Variants in CD109 observed in about 807,000 individuals in gnomAD.
CD109 encodes the protein CD109 antigen.
A neutral mutation model predicts 165.8 loss-of-function variants in CD109; 149 were observed. The observed-to-expected ratio is 0.90, with a 90% CI of 0.79 to 1.03. The LOEUF (loss-of-function observed/expected upper bound fraction) is 1.03, where lower values mean the gene tolerates loss of function less well. Among genes scored for constraint, CD109 ranks in the 50% least tolerant of loss-of-function variants. The probability of loss-of-function intolerance (pLI) is 0.00; values close to 1 mark genes in which losing one functional copy is unlikely to be tolerated. For synonymous variants in CD109, 585 were observed against 592.1 expected (o/e 0.99, Z 0.18); for missense variants, 1,712 against 1,677.8 (o/e 1.02, Z -0.36).
At chr6:73,773,874 A>G (rs1483354999) in intron 15 of CD109, among the ~76,000 whole-genome samples, 1 of 151,948 alleles carries the variant, frequency 6.6e-6, no homozygotes, top group Non-Finnish European at 1.5e-5. Flanking sequence ...GTTTTTCAGA[A>G]ATTGGCACTT....
intron 2 of CD109, among the ~76,000 whole-genome samples, chr6:73,705,260 G>C (rs1771222947): frequency 6.6e-6 from 1 of 152,120 alleles, no homozygotes; most frequent in Non-Finnish European, 1.5e-5. Flanking sequence ...TGAAGTCCTG[G>C]AAATACATAA....
Position 73,787,304 on chromosome 6 carries a change from G to GCCA in CD109, c.2412_2414dup (p.His804dup). 6.2e-7 allele frequency: 1 copy of GCCA among 1,613,954 alleles called. No homozygotes were observed. Among genetic ancestry groups the GCCA allele is most frequent in the Non-Finnish European group, 8.5e-7 (1 of 1,179,910 alleles). The stretch of plus-strand genomic sequence containing the variant: ...ACTTCAAATGAAATAAATGCCACAG[G>GCCA]CCACCAGCAGACCCTTCTGGTTCCC... On this transcript the variant is annotated inframe_insertion, in exon 21 of 33. Transcript: ENST00000287097.
At chr6:73,720,426 G>A (rs570645382) in intron 2 of CD109, among the ~76,000 whole-genome samples, 9 of 152,144 alleles carry the variant, frequency 5.9e-5, no homozygotes, top group Non-Finnish European at 8.8e-5. Flanking sequence ...AATTTCAAGA[G>A]ATCTAGTGTA....
chr6:73,796,115 C>T (rs575725090), intron 23 of CD109, among the ~76,000 whole-genome samples: 1 of 152,296 alleles, frequency 6.6e-6, no homozygotes, highest in East Asian at 1.9e-4. Context: ...CATGATTGCT[C>T]ACTGGACTAC....
chr6:73,808,037 A>T lies in CD109; in HGVS notation c.3190-46A>T, dbSNP rs116101917. The T allele has an allele frequency of 3.2e-4, 505 of 1,557,820 alleles. 3 individuals carry two copies. The African/African-American group carries it at 6.3e-3, about 20-fold the overall frequency. ...AGTACTTTTTGTTTCAGTATGTGGT[A>T]ATGGGTTACTCTGAATAGTAAAAAA... is the stretch of plus-strand genomic sequence containing the variant. On this transcript the variant is annotated intron_variant, in intron 25 of 32. Transcript: ENST00000287097.
At chr6:73,754,867 G>A (rs574294675) in intron 5 of CD109, among the ~76,000 whole-genome samples, 1 of 152,334 alleles carries the variant, frequency 6.6e-6, no homozygotes, top group Admixed American at 6.5e-5. Flanking sequence ...GACACTGTCA[G>A]TCTTGAATTA....
chr6:73,768,327 T>C, intron 14 of CD109, 96 bp downstream of exon 14: 3 of 720,034 alleles, frequency 4.2e-6, no homozygotes, highest in Non-Finnish European at 4.6e-6. Context: ...TAAGCCAAAC[T>C]GGTTAGAAAT....
In CD109 at chr6:73,700,964, G is replaced by A. The variant is rs139325117; in HGVS notation, c.247+3392G>A. Among the ~76,000 whole-genome samples, 48 of 151,644 alleles carry A rather than the reference G, an allele frequency of 3.2e-4. 1 individual carries two copies. The East Asian group carries it at 9.3e-3, about 29-fold the overall frequency. ...CTACAGGCATGTGCCACCATGCCTG[G>A]CTAATTTTTTGTATTTTTAGTAGAG... On this transcript the variant is annotated intron_variant, in intron 2 of 32. Coordinates refer to ENST00000287097, the MANE Select transcript of CD109 (RefSeq NM_133493.5).
At chr6:73,728,139 G>A (rs951274534) in intron 3 of CD109, among the ~76,000 whole-genome samples, 2 of 152,066 alleles carry the variant, frequency 1.3e-5, no homozygotes, top group Admixed American at 1.3e-4. Flanking sequence ...TGGCCAACAT[G>A]GTAAAACCTT....
chr6:73,710,420 C>G (rs1771484188), intron 2 of CD109, among the ~76,000 whole-genome samples: 1 of 152,142 alleles, frequency 6.6e-6, no homozygotes, highest in East Asian at 1.9e-4. Flanking sequence ...GAACTACAAA[C>G]CACTGCTCAA....
intron 2 of CD109, among the ~76,000 whole-genome samples, chr6:73,713,768 C>A (rs1771619326): frequency 6.6e-6 from 1 of 152,230 alleles, no homozygotes; most frequent in African/African-American, 2.4e-5. Context: ...AGATTTCCTG[C>A]ACTTCAAATC....
chr6:73,698,933 G>A (rs558504791), intron 2 of CD109, among the ~76,000 whole-genome samples: 120 of 152,266 alleles, frequency 7.9e-4, no homozygotes, highest in Non-Finnish European at 1.5e-3. Flanking sequence ...TGATTTCCCA[G>A]GGCAGTTATA....
chr6:73,760,385 C>T (rs1554175474), intron 7 of CD109, among the ~76,000 whole-genome samples: 1 of 105,190 alleles, frequency 9.5e-6, no homozygotes. Flanking sequence ...CCGGCCTGGG[C>T]TAAAGAGCGG....
At chr6:73,772,799 T>G (rs1219763245) in intron 15 of CD109, among the ~76,000 whole-genome samples, 2 of 151,944 alleles carry the variant, frequency 1.3e-5, no homozygotes, top group Non-Finnish European at 2.9e-5. Context: ...CTATATATAG[T>G]TGGGTTGATT....
In CD109 at chr6:73,778,533, C is replaced by T. The variant is rs971267520; in HGVS notation, c.1828-1891C>T. On this transcript the variant is annotated intron_variant, in intron 15 of 32. Transcript: ENST00000287097. ...TCTTGAATTGGTGTCTGAGCAAGAG[C>T]GGAAGCAAATCTTCATGTATTTGTA... 8.5e-5 allele frequency among the ~76,000 whole-genome samples: 13 copies of T among 152,274 alleles called. No individual in the cohort carries two copies. The East Asian group carries it at 9.6e-4, about 11-fold the overall frequency.
intron 5 of CD109, among the ~76,000 whole-genome samples, chr6:73,754,073 G>A (rs1190253871): frequency 2.0e-5 from 3 of 152,108 alleles, no homozygotes; most frequent in Non-Finnish European, 4.4e-5. Context: ...GAGAGAAGGG[G>A]CATCTAATCC....
chr6:73,711,940 C>T (rs1448816620), intron 2 of CD109, among the ~76,000 whole-genome samples: 1 of 152,216 alleles, frequency 6.6e-6, no homozygotes, highest in African/African-American at 2.4e-5. Context: ...TTAGTATAAA[C>T]ATCAGCCAAA....
chr6:73,684,221 CTT>C, the CD109 span, among the ~76,000 whole-genome samples: 27 of 136,316 alleles, frequency 2.0e-4, no homozygotes, highest in Non-Finnish European at 2.7e-4. Context: ...GTCGTTCTTT[CTT>C]TTTTTTTTTT....
chr6:73,713,388 G>A (rs1445719543), intron 2 of CD109, among the ~76,000 whole-genome samples: 1 of 152,100 alleles, frequency 6.6e-6, no homozygotes, highest in Non-Finnish European at 1.5e-5. Flanking sequence ...CTACACCATA[G>A]CGTTGGGGAA....
Sources: allele counts gnomAD v4.1 joint callset (sites outside exome capture counted in the v4.1 genomes callset), GRCh38; gene constraint gnomAD v4.1.1; transcripts MANE v1.5; gene names NCBI Gene and HGNC (gene_info 2026-07-23, HGNC 2026-07-21).